The following GPC6 variants were observed in gnomAD, a reference collection of about 807,000 sequenced individuals.
The protein encoded by GPC6 is glypican-6.
In GPC6, 14 loss-of-function variants were observed where a neutral mutation model predicts 55.2. That is an observed-to-expected ratio of 0.25 (90% CI 0.17 to 0.40). The LOEUF is 0.40. GPC6 is among the 10% of genes least tolerant of loss of function. The pLI is 1.00. For missense variants in GPC6, 641 were observed against 708.5 expected, an observed-to-expected ratio of 0.90 and a Z score of 1.08; for synonymous variants, 278 against 259.6, an observed-to-expected ratio of 1.07 and a Z score of -0.68.
intron 4 of GPC6, among the ~76,000 whole-genome samples, chr13:94,135,666 C>T (rs1887160832): frequency 6.6e-6 from 1 of 152,210 alleles, no homozygotes; most frequent in Non-Finnish European, 1.5e-5. Context: ...AGTCCAAATC[C>T]AGATTACCAG....
At chr13:94,146,175 A>T (rs1193413070) in intron 4 of GPC6, among the ~76,000 whole-genome samples, 1 of 152,150 alleles carries the variant, frequency 6.6e-6, no homozygotes, top group African/African-American at 2.4e-5. Flanking sequence ...GAGATCCTTG[A>T]AGGTGGAGTC....
chr13:93,475,448 TA>T (rs1166793731), intron 1 of GPC6, among the ~76,000 whole-genome samples: 9 of 152,206 alleles, frequency 5.9e-5, no homozygotes, highest in Admixed American at 2.0e-4. Context: ...TACTCTAGCC[TA>T]AAATCAGTAC....
chr13:93,756,308 C>A (rs939335166), intron 2 of GPC6, among the ~76,000 whole-genome samples: 2 of 152,112 alleles, frequency 1.3e-5, no homozygotes, highest in African/African-American at 4.8e-5. Context: ...CATTGTGACA[C>A]CAAATAACAC....
At chr13:93,439,820 T>C (rs1034519538) in intron 1 of GPC6, among the ~76,000 whole-genome samples, 20 of 152,318 alleles carry the variant, frequency 1.3e-4, no homozygotes, top group African/African-American at 4.8e-4. Context: ...CTTCCTCTTC[T>C]ACGCATCTTG....
At chr13:94,169,015 G>A (rs888136331) in intron 4 of GPC6, among the ~76,000 whole-genome samples, 2 of 152,110 alleles carry the variant, frequency 1.3e-5, no homozygotes, top group Non-Finnish European at 2.9e-5. Flanking sequence ...CAACAGTTTC[G>A]TAAGAGGCTT....
chr13:93,635,654 A>C lies in GPC6; in HGVS notation c.319+90233A>C, dbSNP rs750314738. On this transcript the variant is annotated intron_variant, in intron 2 of 8. Transcript: ENST00000377047. ...TGGGAAATACAGCAATCTGTCTTGC[A>C]TCAAAGCAATCCCACAGTGAGATCT... 2.3e-4 allele frequency among the ~76,000 whole-genome samples: 35 copies of C among 152,318 alleles called. 1 individual carries two copies. The Middle Eastern group carries it at 0.01, about 44-fold the overall frequency.
intron 3 of GPC6, among the ~76,000 whole-genome samples, chr13:94,023,746 T>C (rs1470934223): frequency 6.6e-6 from 1 of 151,598 alleles, no homozygotes; most frequent in Non-Finnish European, 1.5e-5. Flanking sequence ...AGTGGGAGAG[T>C]AGTTAAATAA....
At chr13:94,259,381 G>A (rs1295376163) in intron 4 of GPC6, among the ~76,000 whole-genome samples, 7 of 152,324 alleles carry the variant, frequency 4.6e-5, no homozygotes, top group Non-Finnish European at 1.0e-4. Flanking sequence ...AAAGATGGGG[G>A]AAATGATTAT....
At chr13:94,084,768 A>G (rs1422970562) in intron 4 of GPC6, among the ~76,000 whole-genome samples, 2 of 152,192 alleles carry the variant, frequency 1.3e-5, no homozygotes, top group Non-Finnish European at 2.9e-5. Flanking sequence ...TGGTAGCAGA[A>G]GAAAAGCTGG....
chr13:94,135,209 G>A (rs150241599), intron 4 of GPC6, among the ~76,000 whole-genome samples: 1,631 of 150,684 alleles, frequency 0.011, 17 homozygotes, highest in Non-Finnish European at 0.015. Flanking sequence ...ATGGGCTACC[G>A]GAGCTGTATT....
At chr13:93,956,658 TA>T in intron 3 of GPC6, among the ~76,000 whole-genome samples, 1 of 152,210 alleles carries the variant, frequency 6.6e-6, no homozygotes, top group Non-Finnish European at 1.5e-5. Context: ...TACCCTGCAC[TA>T]AATGGAATTA....
intron 2 of GPC6, among the ~76,000 whole-genome samples, chr13:93,554,843 TTAAAAA>T (rs1474459482): frequency 6.6e-6 from 1 of 152,226 alleles, no homozygotes; most frequent in African/African-American, 2.4e-5. Context: ...AGATAAATTT[TTAAAAA>T]TCACTCATCA....
intron 6 of GPC6, among the ~76,000 whole-genome samples, chr13:94,348,571 T>C (rs1594193716): frequency 6.6e-6 from 1 of 152,220 alleles, no homozygotes; most frequent in Admixed American, 6.5e-5. Flanking sequence ...TCCTTCAACC[T>C]GGAATTTCTT....
In GPC6 at chr13:93,800,483, G is replaced by A. The variant is rs115616291; in HGVS notation, c.320-29671G>A. 3.2e-3 allele frequency among the ~76,000 whole-genome samples: 487 copies of A among 152,208 alleles called. 2 individuals are homozygous for A. The highest frequency in any genetic ancestry group is 0.014 in the Middle Eastern group (4 of 294). The stretch of plus-strand genomic sequence containing the variant: ...CAGACTTCACTATGATCTCTATGTC[G>A]TCTCAAACAGCATCCCAAAGAGAAA... On this transcript the variant is annotated intron_variant, in intron 2 of 8. Transcript: ENST00000377047.
At chr13:93,623,862 A>G (rs535843854) in intron 2 of GPC6, among the ~76,000 whole-genome samples, 3 of 152,182 alleles carry the variant, frequency 2.0e-5, no homozygotes, top group South Asian at 4.1e-4. Flanking sequence ...GCATTTTTTC[A>G]TATACCTGTT....
chr13:93,890,212 A>C (rs1875586030), intron 3 of GPC6, among the ~76,000 whole-genome samples: 1 of 152,024 alleles, frequency 6.6e-6, no homozygotes. Context: ...ATTGCGCTGG[A>C]ACTAATCTCT....
intron 4 of GPC6, among the ~76,000 whole-genome samples, chr13:94,089,195 G>A (rs1229207570): frequency 5.9e-5 from 9 of 152,166 alleles, no homozygotes; most frequent in Admixed American, 2.0e-4. Flanking sequence ...AAGCCCGTGA[G>A]TAAGAAGATG....
chr13:93,511,950 A>G (rs1006964359), intron 1 of GPC6, among the ~76,000 whole-genome samples: 5 of 151,952 alleles, frequency 3.3e-5, no homozygotes, highest in African/African-American at 1.2e-4. Context: ...GCTATTTTAA[A>G]TGGGATTGCC....
intron 3 of GPC6, among the ~76,000 whole-genome samples, chr13:93,851,287 C>T (rs1172676170): frequency 6.6e-6 from 1 of 151,924 alleles, no homozygotes; most frequent in African/African-American, 2.4e-5. Flanking sequence ...TTAATTTTGG[C>T]ACTCATGATC....
Sources: gnomAD v4.1 joint callset for allele counts (sites outside exome capture counted in the v4.1 genomes callset) on GRCh38, gnomAD v4.1.1 for gene constraint, MANE v1.5 for transcripts, NCBI Gene and HGNC (gene_info 2026-07-23, HGNC 2026-07-21) for gene names.